The following TEX9 variants were observed in gnomAD, a reference collection of about 807,000 sequenced individuals.
TEX9 encodes the protein testis expressed 9, also known as testis-expressed protein 9.
TEX9 carries 74 observed loss-of-function variants against 59.6 expected under a neutral mutation model. The ratio of observed to expected loss-of-function variants is 1.24; its 90% CI spans 1.03 to 1.51. TEX9 has a LOEUF of 1.51. TEX9 is among the 40% of genes most tolerant of loss of function. The pLI is 0.00. For missense variants in TEX9, 522 were observed against 447.8 expected (o/e 1.17, Z -1.49); for synonymous variants, 186 against 152.2 (o/e 1.22, Z -1.64).
chr15:56,422,212 G>T (rs2050012645), intron 10 of TEX9, among the ~76,000 whole-genome samples: 2 of 150,500 alleles, frequency 1.3e-5, no homozygotes, highest in African/African-American at 4.9e-5. Flanking sequence ...TAACTAACCT[G>T]CACATTGTGC....
In TEX9 at chr15:56,246,283, A is replaced by G. The variant is rs557271314; in HGVS notation, c.-107+2005A>G. Among the ~76,000 whole-genome samples, 5 of 152,212 alleles carry G rather than the reference A, an allele frequency of 3.3e-5. No individual in the cohort carries two copies. In the East Asian group the frequency reaches 9.7e-4, roughly 29 times the overall value. On this transcript the variant is annotated intron_variant, in intron 1 of 5. Coordinates refer to the TEX9 transcript ENST00000560827. ...AACCTTTTCCGGCCTTCCAGGACCTACAGGGAGTTGAAGGAGACCAGCAAT... is the reference window on the plus strand; with the variant it reads ...AACCTTTTCCGGCCTTCCAGGACCTGCAGGGAGTTGAAGGAGACCAGCAAT...
intron 10 of TEX9, among the ~76,000 whole-genome samples, chr15:56,418,125 T>C (rs996392381): frequency 6.6e-6 from 1 of 151,978 alleles, no homozygotes; most frequent in Non-Finnish European, 1.5e-5. Flanking sequence ...TCTTGCTTTT[T>C]TATCCAGCTT....
chr15:56,370,960 G>A (rs1364896361), intron 2 of TEX9, among the ~76,000 whole-genome samples: 2 of 152,030 alleles, frequency 1.3e-5, no homozygotes, highest in Non-Finnish European at 2.9e-5. Flanking sequence ...AGGTTCAAGC[G>A]ATTCTCATTC....
chr15:56,340,501 C>A (rs1316589361), intron 1 of TEX9, among the ~76,000 whole-genome samples: 1 of 152,036 alleles, frequency 6.6e-6, no homozygotes, highest in East Asian at 1.9e-4. Context: ...TTAAAATAAG[C>A]CATTGCTTTT....
intron 4 of TEX9, among the ~76,000 whole-genome samples, chr15:56,387,514 A>G (rs1466271555): frequency 2.6e-5 from 4 of 151,946 alleles, no homozygotes; most frequent in African/African-American, 9.7e-5. Context: ...TGTATTTAAT[A>G]TGAAAAAATT....
exon 6 of TEX9, chr15:56,389,333 A>T: frequency 6.2e-7 from 1 of 1,611,080 alleles, no homozygotes; most frequent in Non-Finnish European, 8.5e-7. Flanking sequence ...GACCAAAAAC[A>T]TTGATCCTGT....
chr15:56,335,498 G>T (rs1302053846), intron 1 of TEX9, among the ~76,000 whole-genome samples: 2 of 152,108 alleles, frequency 1.3e-5, no homozygotes, highest in Admixed American at 6.6e-5. Context: ...GTTACCAGGG[G>T]CTGGGAAGGG....
intron 1 of TEX9, among the ~76,000 whole-genome samples, chr15:56,283,874 T>A (rs1454255754): frequency 6.6e-6 from 1 of 152,132 alleles, no homozygotes; most frequent in African/African-American, 2.4e-5. Context: ...TAAATTGATA[T>A]ACAAAGGGAT....
intron 1 of TEX9, among the ~76,000 whole-genome samples, chr15:56,330,426 A>G (rs2046115963): frequency 6.6e-6 from 1 of 152,218 alleles, no homozygotes; most frequent in Non-Finnish European, 1.5e-5. Flanking sequence ...TATCCTAAGT[A>G]GAAAGACTAA....
chr15:56,359,216 A>C (rs544649166), intron 1 of TEX9, among the ~76,000 whole-genome samples: 3 of 152,214 alleles, frequency 2.0e-5, no homozygotes, highest in Admixed American at 2.0e-4. Context: ...AATATACATA[A>C]AATTTACCAT....
intron 1 of TEX9, among the ~76,000 whole-genome samples, chr15:56,260,680 G>A (rs565811669): frequency 8.6e-5 from 13 of 151,660 alleles, no homozygotes; most frequent in African/African-American, 2.4e-4. Flanking sequence ...CCCTATGTTC[G>A]TAAGAATTAT....
At chr15:56,434,455 A>G in intron 12 of TEX9, 2 of 1,501,626 alleles carry the variant, frequency 1.3e-6, no homozygotes, top group Admixed American at 2.0e-5. Context: ...ATTTATAAGG[A>G]AAGAGTGATA....
At chr15:56,374,732 C>T (rs1385458842) in intron 3 of TEX9, 3 of 152,094 alleles carry the variant, frequency 2.0e-5, no homozygotes, top group Non-Finnish European at 2.9e-5. Context: ...GATAACCATT[C>T]TTCAACTCTC....
intron 1 of TEX9, among the ~76,000 whole-genome samples, chr15:56,343,447 C>G (rs1270236699): frequency 2.2e-4 from 33 of 151,864 alleles, no homozygotes; most frequent in African/African-American, 7.5e-4. Flanking sequence ...AATTAACAGG[C>G]TAAAAGTTGG....
intron 12 of TEX9, chr15:56,434,265 G>A: frequency 6.2e-7 from 1 of 1,613,874 alleles, no homozygotes; most frequent in Admixed American, 1.7e-5. Flanking sequence ...AGCAAATTTA[G>A]CTAGCATAGT....
chr15:56,430,352 G>A (rs776890067), intron 12 of TEX9, among the ~76,000 whole-genome samples, 198 bp downstream of exon 12: 41 of 152,040 alleles, frequency 2.7e-4, no homozygotes, highest in Non-Finnish European at 3.8e-4. Flanking sequence ...GACTACAGGC[G>A]TGCATCACCA....
intron 12 of TEX9, among the ~76,000 whole-genome samples, chr15:56,434,561 G>A (rs1188676969): frequency 6.6e-6 from 1 of 152,024 alleles, no homozygotes; most frequent in Admixed American, 6.6e-5. Context: ...AAAACTAGCT[G>A]GATAAAGAAT....
chr15:56,284,435 A>C (rs1347857600), intron 1 of TEX9, among the ~76,000 whole-genome samples: 1 of 152,194 alleles, frequency 6.6e-6, no homozygotes, highest in Non-Finnish European at 1.5e-5. Flanking sequence ...ATCTGGAAAG[A>C]ATATTATATT....
chr15:56,394,127 C>A (rs1168695651), intron 7 of TEX9, 38 bp from the exon 8 acceptor site: 1 of 1,555,694 alleles, frequency 6.4e-7, no homozygotes, highest in African/African-American at 1.4e-5. Flanking sequence ...ATCTTAGATT[C>A]AGCAAAAGAC....
Sources: allele counts gnomAD v4.1 joint callset (sites outside exome capture counted in the v4.1 genomes callset), GRCh38; gene constraint gnomAD v4.1.1; transcripts MANE v1.5; gene names NCBI Gene and HGNC (gene_info 2026-07-23, HGNC 2026-07-21).